PTK2B: variants seen among roughly 807,000 people sequenced by gnomAD.
The protein encoded by PTK2B is protein-tyrosine kinase 2-beta.
In PTK2B, 71 loss-of-function variants were observed where a neutral mutation model predicts 142.9. The ratio of observed to expected loss-of-function variants is 0.50; its 90% CI spans 0.41 to 0.61. PTK2B has a LOEUF of 0.61. PTK2B is among the 20% of genes least tolerant of loss of function. PTK2B has a pLI of 0.00. For synonymous variants in PTK2B, 519 were observed against 503.4 expected (o/e 1.03, Z -0.42); for missense variants, 1,105 against 1,320.4 (o/e 0.84, Z 2.53).
At chr8:27,420,829 AAAG>A in intron 4 of PTK2B, 85 bp downstream of exon 4, 4 of 1,289,654 alleles carry the variant, frequency 3.1e-6, no homozygotes, top group Middle Eastern at 1.8e-4. Flanking sequence ...AGGGAGATGG[AAAG>A]ACAAAGCCCA....
Position 27,422,343 on chromosome 8 carries a change from A to T in PTK2B, c.511A>T (p.Ser171Cys). ...CATGCAGCGCTACGCCAGCAAGGTCAGCGAGGGCATGGCCCTGCAGCTGGG... is the reference window on the plus strand; with the variant it reads ...CATGCAGCGCTACGCCAGCAAGGTCTGCGAGGGCATGGCCCTGCAGCTGGG... ...DYMQRYASKVSEGMALQLGCL... is the reference protein window; with the variant it reads ...DYMQRYASKVCEGMALQLGCL... The change falls in exon 5 of 31, where the codon AGC becomes TGC. Residue 171 changes from serine to cysteine, a missense_variant. Ser to Cys is a moderately radical substitution (Grantham distance 112). Transcript: ENST00000346049. 6.2e-7 allele frequency: 1 copy of T among 1,613,852 alleles called. No individual in the cohort carries two copies. The highest frequency in any genetic ancestry group is 1.3e-5 in the African/African-American group (1 of 75,062).
chr8:27,423,126 A>G (rs1450725650), intron 5 of PTK2B, among the ~76,000 whole-genome samples: 1 of 152,216 alleles, frequency 6.6e-6, no homozygotes, highest in East Asian at 1.9e-4. Flanking sequence ...CATTGAGACA[A>G]TGGCAGTCCA....
At chr8:27,397,486 G>A (rs28496151) in intron 1 of PTK2B, 62 bp from the exon 2 acceptor site, 511,613 of 1,279,438 alleles carry the variant, frequency 0.4, 105,461 homozygotes, top group Middle Eastern at 0.5. Context: ...TGTCCCTGGG[G>A]CCATGAGGTA....
chr8:27,380,482 TAAA>T (rs1309954162), intron 1 of PTK2B, among the ~76,000 whole-genome samples: 2 of 152,180 alleles, frequency 1.3e-5, no homozygotes, highest in Non-Finnish European at 2.9e-5. Flanking sequence ...GCTGGAATTT[TAAA>T]GGCCAAAGTT....
At chr8:27,367,782 G>T (rs1806109425) in intron 1 of PTK2B, among the ~76,000 whole-genome samples, 1 of 152,108 alleles carries the variant, frequency 6.6e-6, no homozygotes, top group African/African-American at 2.4e-5. Context: ...CAGGGGAGGT[G>T]CCAGCCTCCT....
intron 1 of PTK2B, among the ~76,000 whole-genome samples, chr8:27,390,969 G>T (rs533260883): frequency 6.6e-6 from 1 of 152,222 alleles, no homozygotes; most frequent in South Asian, 2.1e-4. Context: ...TGAAGAAAGT[G>T]GTTTAAATCC....
At chr8:27,347,257 G>A (rs977444114) in intron 1 of PTK2B, among the ~76,000 whole-genome samples, 1 of 151,052 alleles carries the variant, frequency 6.6e-6, no homozygotes, top group African/African-American at 2.4e-5. Flanking sequence ...GCATGCGCCT[G>A]TAATCCCAGC....
chr8:27,385,306 A>C (rs1329876938), intron 1 of PTK2B, among the ~76,000 whole-genome samples: 4 of 152,200 alleles, frequency 2.6e-5, no homozygotes, highest in Non-Finnish European at 5.9e-5. Flanking sequence ...TCAAGGTCTC[A>C]GGGCTGGAGA....
intron 4 of PTK2B, among the ~76,000 whole-genome samples, chr8:27,421,572 G>A (rs1277298757): frequency 6.6e-6 from 1 of 152,212 alleles, no homozygotes; most frequent in African/African-American, 2.4e-5. Context: ...CCATTCTGGA[G>A]TTAATTCACT....
At chr8:27,372,819 C>T (rs1806439962) in intron 1 of PTK2B, among the ~76,000 whole-genome samples, 1 of 152,152 alleles carries the variant, frequency 6.6e-6, no homozygotes, top group Non-Finnish European at 1.5e-5. Flanking sequence ...GGTCCTGGAA[C>T]TTGATCCAGT....
chr8:27,369,884 G>A (rs1032888053), intron 1 of PTK2B, among the ~76,000 whole-genome samples: 4 of 152,118 alleles, frequency 2.6e-5, no homozygotes, highest in African/African-American at 4.8e-5. Flanking sequence ...GGCTGAGGCA[G>A]GAGAATAGCT....
chr8:27,324,574 C>T (rs1357475544), upstream of PTK2B, among the ~76,000 whole-genome samples: 1 of 152,240 alleles, frequency 6.6e-6, no homozygotes, highest in Non-Finnish European at 1.5e-5. Flanking sequence ...ATCTTGGAAA[C>T]TGAGTGCTTC....
At chr8:27,318,589 AAACCATGTGTCCTCTGTGGC>A (rs1447549188) in intron 3 of PTK2B, among the ~76,000 whole-genome samples, 10 of 152,094 alleles carry the variant, frequency 6.6e-5, no homozygotes, top group African/African-American at 1.2e-4. Flanking sequence ...ATAGCTGCGG[AAACCATGTGTCCTCTGTGGC>A]AACCATGTGT....
rs1201991191 is a variant in PTK2B at position 27,430,922 on chromosome 8, C to T, written c.716C>T (p.Ala239Val). 6 of 1,614,210 alleles carry T rather than the reference C, an allele frequency of 3.7e-6. No homozygotes were observed. Among genetic ancestry groups the T allele is most frequent in the Middle Eastern group, 3.3e-4 (2 of 6,062 alleles). Reference sequence around the variant, plus strand: ...ATCCAGCAGACCTTCCAGCAGTACGCCTCGCTCAGGGAGGAGGAGTGCGTC... The same window carrying T: ...ATCCAGCAGACCTTCCAGCAGTACGTCTCGCTCAGGGAGGAGGAGTGCGTC... ...KMIQQTFQQY[A>V]SLREEECVMK... The change falls in exon 8 of 31, where the codon GCC (alanine) becomes GTC (valine). Residue 239 changes from alanine to valine, a missense_variant. Transcript: ENST00000346049.
At chr8:27,417,812 T>C (rs942530401) in intron 2 of PTK2B, among the ~76,000 whole-genome samples, 6 of 152,060 alleles carry the variant, frequency 3.9e-5, no homozygotes, top group Non-Finnish European at 8.8e-5. Flanking sequence ...ATTAGCCAAG[T>C]AGGTTTCAGC....
chr8:27,328,861 C>T (rs1420196012), intron 1 of PTK2B, among the ~76,000 whole-genome samples: 1 of 152,074 alleles, frequency 6.6e-6, no homozygotes, highest in Non-Finnish European at 1.5e-5. Context: ...ATAACTCTAG[C>T]CAGGATGGAC....
intron 30 of PTK2B, among the ~76,000 whole-genome samples, chr8:27,455,927 C>G (rs1812114652): frequency 6.6e-6 from 1 of 152,230 alleles, no homozygotes; most frequent in African/African-American, 2.4e-5. Context: ...GCACAGATGA[C>G]TACCACATCC....
intron 1 of PTK2B, among the ~76,000 whole-genome samples, chr8:27,334,292 C>T (rs1803928582): frequency 6.6e-6 from 1 of 152,202 alleles, no homozygotes. Context: ...CATTCAGTGC[C>T]TCCCATAATC....
intron 1 of PTK2B, among the ~76,000 whole-genome samples, chr8:27,360,356 G>A (rs578062315): frequency 7.9e-5 from 12 of 152,372 alleles, no homozygotes; most frequent in South Asian, 4.1e-4. Context: ...GGCAAGCGCC[G>A]CAGAGAAGGA....
Sources: allele counts gnomAD v4.1 joint callset (sites outside exome capture counted in the v4.1 genomes callset), GRCh38; gene constraint gnomAD v4.1.1; transcripts MANE v1.5; gene names NCBI Gene and HGNC (gene_info 2026-07-23, HGNC 2026-07-21).